The following CSMD1 variants were observed in gnomAD, a reference collection of about 807,000 sequenced individuals.
CSMD1 encodes CUB and sushi domain-containing protein 1.
A neutral mutation model predicts 417.5 loss-of-function variants in CSMD1; 213 were observed. The observed-to-expected ratio is 0.51, with a 90% CI of 0.46 to 0.57. The LOEUF is 0.57. Among genes scored for constraint, CSMD1 ranks in the 20% least tolerant of loss-of-function variants. The probability of loss-of-function intolerance (pLI) is 0.00; values close to 1 mark genes in which losing one functional copy is unlikely to be tolerated. For synonymous variants in CSMD1, 2,862 were observed against 1,736.8 expected, an observed-to-expected ratio of 1.65 and a Z score of -16.11; for missense variants, 6,923 against 4,529.7, an observed-to-expected ratio of 1.53 and a Z score of -15.17.
chr8:3,502,350 C>T (rs1428132003), intron 10 of CSMD1, among the ~76,000 whole-genome samples: 1 of 127,620 alleles, frequency 7.8e-6, no homozygotes, highest in Non-Finnish European at 1.6e-5. Context: ...GGGGGACAGA[C>T]CGAGACTTCA....
intron 3 of CSMD1, among the ~76,000 whole-genome samples, chr8:4,387,362 A>G (rs566837440): frequency 6.6e-6 from 1 of 152,210 alleles, no homozygotes; most frequent in African/African-American, 2.4e-5. Flanking sequence ...CAGAAGTGCA[A>G]ATTTCTTCTT....
chr8:4,872,921 GTTTTA>G lies in CSMD1; in HGVS notation c.85+121406_85+121410del, dbSNP rs932717405. Among the ~76,000 whole-genome samples the G allele has an allele frequency of 2.4e-4, 36 of 151,990 alleles. 2 individuals are homozygous for G. The highest frequency in any genetic ancestry group is 5.3e-4 in the African/African-American group (22 of 41,328). On this transcript the variant is annotated intron_variant, in intron 1 of 69. Coordinates refer to ENST00000635120, the MANE Select transcript of CSMD1 (RefSeq NM_033225.6). ...GCGATGTCTGAATTTTTTGACATAT[GTTTTA>G]TTTTATTTCCATCTCTATTGAAGTA...
At chr8:4,438,089 C>G (rs762397003) in intron 2 of CSMD1, among the ~76,000 whole-genome samples, 1 of 152,142 alleles carries the variant, frequency 6.6e-6, no homozygotes, top group East Asian at 1.9e-4. Flanking sequence ...TCTTTGGTTT[C>G]CAAGTTCCTG....
chr8:4,369,605 T>C (rs973262561), intron 3 of CSMD1, among the ~76,000 whole-genome samples: 2 of 152,146 alleles, frequency 1.3e-5, no homozygotes, highest in African/African-American at 4.8e-5. Context: ...TGAACTTGTT[T>C]TATGACTATG....
At chr8:3,378,295 T>C (rs889771006) in intron 18 of CSMD1, among the ~76,000 whole-genome samples, 3 of 152,150 alleles carry the variant, frequency 2.0e-5, no homozygotes, top group African/African-American at 7.2e-5. Context: ...ACCAGGTGGA[T>C]TCACAGTCGA....
intron 12 of CSMD1, among the ~76,000 whole-genome samples, chr8:3,413,856 C>T (rs369761653): frequency 6.6e-6 from 1 of 151,912 alleles, no homozygotes; most frequent in Admixed American, 6.6e-5. Context: ...ACAAACACTA[C>T]AGCCAGATGC....
At chr8:4,672,020 C>G (rs1195373856) in intron 1 of CSMD1, among the ~76,000 whole-genome samples, 2 of 152,114 alleles carry the variant, frequency 1.3e-5, no homozygotes, top group African/African-American at 4.8e-5. Flanking sequence ...TTACTGAGAG[C>G]ATGACAGTGA....
intron 2 of CSMD1, among the ~76,000 whole-genome samples, chr8:4,537,876 T>C (rs892761582): frequency 1.3e-4 from 20 of 152,318 alleles, no homozygotes; most frequent in African/African-American, 4.3e-4. Context: ...ACATAGGATT[T>C]AGAATGCTTA....
At chr8:3,987,648 A>G (rs1290257727) in intron 5 of CSMD1, among the ~76,000 whole-genome samples, 1 of 152,180 alleles carries the variant, frequency 6.6e-6, no homozygotes, top group Non-Finnish European at 1.5e-5. Context: ...TTTGCTGATA[A>G]AGCAGAAGAG....
intron 3 of CSMD1, among the ~76,000 whole-genome samples, chr8:4,352,305 A>T (rs889556461): frequency 1.3e-5 from 2 of 152,244 alleles, no homozygotes; most frequent in Non-Finnish European, 2.9e-5. Context: ...TAGAAAATAG[A>T]ACTATCTATG....
At chr8:4,883,342 T>C (rs1361354131) in intron 1 of CSMD1, among the ~76,000 whole-genome samples, 2 of 152,118 alleles carry the variant, frequency 1.3e-5, no homozygotes, top group Admixed American at 6.5e-5. Context: ...TCAGATATAA[T>C]TTACATATCA....
At chr8:4,170,704 T>G (rs1031158122) in intron 3 of CSMD1, among the ~76,000 whole-genome samples, 1 of 151,824 alleles carries the variant, frequency 6.6e-6, no homozygotes, top group African/African-American at 2.4e-5. Context: ...AGTAAACTGA[T>G]ATAGCTAGCA....
At chr8:3,681,153 A>C (rs1294325853) in intron 7 of CSMD1, among the ~76,000 whole-genome samples, 1 of 152,018 alleles carries the variant, frequency 6.6e-6, no homozygotes, top group African/African-American at 2.4e-5. Context: ...CTCTTTCACC[A>C]CTCCTATTCA....
chr8:3,804,148 T>A (rs2129073883), intron 5 of CSMD1, among the ~76,000 whole-genome samples: 1 of 152,156 alleles, frequency 6.6e-6, no homozygotes, highest in African/African-American at 2.4e-5. Flanking sequence ...GCCAGGCTGG[T>A]CTCGAACTCC....
Position 3,163,887 on chromosome 8 carries a change from G to A in CSMD1, c.5726-1610C>T, listed in dbSNP as rs181154376. 3.5e-3 allele frequency among the ~76,000 whole-genome samples: 535 copies of A among 152,266 alleles called. 8 individuals are homozygous for A. Among genetic ancestry groups the A allele is most frequent in the Non-Finnish European group, 3.1e-3 (208 of 68,016 alleles). On this transcript the variant is annotated intron_variant, in intron 37 of 69. Coordinates refer to ENST00000635120, the MANE Select transcript of CSMD1 (RefSeq NM_033225.6). ...TCTGATATTAAACAAAAGGCAAAGT[G>A]AAGTCAGCCTGGCTGCAGAGTTGCA...
At chr8:3,938,287 C>A (rs991302006) in intron 5 of CSMD1, among the ~76,000 whole-genome samples, 4 of 152,066 alleles carry the variant, frequency 2.6e-5, no homozygotes, top group Non-Finnish European at 5.9e-5. Context: ...AGGGAAAAAA[C>A]TGCATGCTGG....
intron 7 of CSMD1, among the ~76,000 whole-genome samples, chr8:3,689,957 G>A (rs1455937109): frequency 6.6e-6 from 1 of 152,224 alleles, no homozygotes; most frequent in African/African-American, 2.4e-5. Flanking sequence ...GTGCTATACA[G>A]TGTCACCAGT....
intron 3 of CSMD1, among the ~76,000 whole-genome samples, chr8:4,037,267 A>G (rs1797671376): frequency 6.6e-6 from 1 of 152,164 alleles, no homozygotes; most frequent in Non-Finnish European, 1.5e-5. Flanking sequence ...GTTTATATCA[A>G]TTAACCTGTG....
chr8:3,694,200 G>T (rs1209998172), intron 7 of CSMD1, among the ~76,000 whole-genome samples: 1 of 152,086 alleles, frequency 6.6e-6, no homozygotes, highest in East Asian at 1.9e-4. Flanking sequence ...GTCCATAGAT[G>T]GGGCAGGGAC....
Sources: allele counts gnomAD v4.1 joint callset (sites outside exome capture counted in the v4.1 genomes callset), GRCh38; gene constraint gnomAD v4.1.1; transcripts MANE v1.5; gene names NCBI Gene and HGNC (gene_info 2026-07-23, HGNC 2026-07-21).